PICALM: variants seen among roughly 807,000 people sequenced by gnomAD.
The protein encoded by PICALM is phosphatidylinositol binding clathrin assembly protein.
A neutral mutation model predicts 80.5 loss-of-function variants in PICALM; 40 were observed. The ratio of observed to expected loss-of-function variants is 0.50; its 90% CI spans 0.39 to 0.65. The LOEUF is 0.65. Among genes scored for constraint, PICALM ranks in the 30% least tolerant of loss-of-function variants. The pLI is 0.00. For missense variants in PICALM, 676 were observed against 778.9 expected (o/e 0.87, Z 1.57); for synonymous variants, 288 against 260.3 (o/e 1.11, Z -1.02).
chr11:85,998,670 C>G (rs1415626426), intron 11 of PICALM, among the ~76,000 whole-genome samples: 7 of 152,018 alleles, frequency 4.6e-5, no homozygotes, highest in Non-Finnish European at 8.8e-5. Context: ...CCCAGCTACT[C>G]GGGAAGCTAA....
At chr11:86,015,108 C>A (rs1230358327) in intron 4 of PICALM, 145 bp from the exon 5 acceptor site, 1 of 593,252 alleles carries the variant, frequency 1.7e-6, no homozygotes, top group African/African-American at 2.0e-5. Context: ...AACATGAAAA[C>A]TGAAGCAGAG....
chr11:86,044,621 G>C (rs930692345), intron 1 of PICALM, among the ~76,000 whole-genome samples: 13 of 152,164 alleles, frequency 8.5e-5, no homozygotes, highest in Non-Finnish European at 7.3e-5. Flanking sequence ...AGCATGTGAA[G>C]ACCCTGTAAG....
intron 19 of PICALM, among the ~76,000 whole-genome samples, chr11:85,968,018 A>C (rs1022056945): frequency 1.6e-4 from 24 of 152,222 alleles, no homozygotes; most frequent in African/African-American, 5.5e-4. Context: ...CTTTAAAAAA[A>C]GGCCTAATAC....
intron 1 of PICALM, among the ~76,000 whole-genome samples, chr11:86,064,647 A>AC (rs2096416877): frequency 7.4e-6 from 1 of 135,026 alleles, no homozygotes; most frequent in Non-Finnish European, 1.6e-5. Context: ...GACCCACCTC[A>AC]TTTTAAAAAA....
At chr11:86,061,059 T>G (rs2096353887) in intron 1 of PICALM, among the ~76,000 whole-genome samples, 1 of 152,200 alleles carries the variant, frequency 6.6e-6, no homozygotes, top group Non-Finnish European at 1.5e-5. Flanking sequence ...CCGGGCTCAG[T>G]GGCTCATGCC....
chr11:86,011,858 T>G lies in PICALM; in HGVS notation c.658+423A>C, dbSNP rs558758319. ...AAACTTACTATCCTTTTTGTTTTTT[T>G]TTTTTTTTTGAAACTGAGTTTCGCT... On this transcript the variant is annotated intron_variant, in intron 6 of 19. Transcript: ENST00000393346. 2.6e-3 allele frequency among the ~76,000 whole-genome samples: 396 copies of G among 151,626 alleles called. 1 individual carries two copies. The highest frequency in any genetic ancestry group is 9.3e-3 in the African/African-American group (384 of 41,456).
At chr11:85,974,660 T>C in intron 19 of PICALM, 48 bp downstream of exon 19, 2 of 1,212,264 alleles carry the variant, frequency 1.6e-6, no homozygotes, top group African/African-American at 3.0e-5. Flanking sequence ...AGTATCATAT[T>C]CCTTCCAAAT....
chr11:86,022,102 A>AT (rs1324547635), intron 4 of PICALM, among the ~76,000 whole-genome samples: 3 of 152,198 alleles, frequency 2.0e-5, no homozygotes, highest in Non-Finnish European at 4.4e-5. Flanking sequence ...GATGTTGGAC[A>AT]ACTTTGTAAA....
intron 19 of PICALM, among the ~76,000 whole-genome samples, chr11:85,966,137 T>G (rs2093887836): frequency 6.6e-6 from 1 of 152,044 alleles, no homozygotes; most frequent in South Asian, 2.1e-4. Flanking sequence ...GCATTTTGTT[T>G]TAGGGGATGC....
chr11:86,024,654 ATT>A (rs751831847), intron 3 of PICALM, among the ~76,000 whole-genome samples: 6 of 152,030 alleles, frequency 3.9e-5, no homozygotes, highest in Admixed American at 3.9e-4. Flanking sequence ...TCTATAAAAA[ATT>A]TTTGTGCTTG....
intron 19 of PICALM, among the ~76,000 whole-genome samples, chr11:85,963,669 A>G (rs1479927758): frequency 6.6e-6 from 1 of 152,168 alleles, no homozygotes; most frequent in Non-Finnish European, 1.5e-5. Context: ...CCACTACTCT[A>G]ATCAATCAAT....
chr11:86,016,885 T>C (rs2095488651), intron 4 of PICALM, among the ~76,000 whole-genome samples: 1 of 152,134 alleles, frequency 6.6e-6, no homozygotes, highest in African/African-American at 2.4e-5. Context: ...CAAAAAGCAA[T>C]TGTCTGGTCT....
At chr11:86,014,345 C>T (rs2095446090) in intron 5 of PICALM, among the ~76,000 whole-genome samples, 1 of 152,170 alleles carries the variant, frequency 6.6e-6, no homozygotes. Flanking sequence ...AAAACGTTAA[C>T]TTCTAACACA....
intron 1 of PICALM, among the ~76,000 whole-genome samples, chr11:86,041,488 A>G (rs1225151574): frequency 6.6e-6 from 1 of 152,170 alleles, no homozygotes; most frequent in African/African-American, 2.4e-5. Flanking sequence ...AAGGACTGAC[A>G]TCCTTTTTAT....
intron 3 of PICALM, among the ~76,000 whole-genome samples, chr11:86,025,557 C>G (rs2095636979): frequency 6.6e-6 from 1 of 151,496 alleles, no homozygotes; most frequent in South Asian, 2.1e-4. Flanking sequence ...CATAGCATTT[C>G]TTTTTTTGTT....
chr11:85,965,246 G>A (rs1420566816), intron 19 of PICALM, among the ~76,000 whole-genome samples: 1 of 152,144 alleles, frequency 6.6e-6, no homozygotes, highest in Non-Finnish European at 1.5e-5. Flanking sequence ...GAAGGCCCTT[G>A]CCAAATCCCA....
chr11:86,040,438 G>A (rs2095941282), intron 1 of PICALM, among the ~76,000 whole-genome samples: 1 of 152,052 alleles, frequency 6.6e-6, no homozygotes, highest in South Asian at 2.1e-4. Flanking sequence ...CTGGGCTCAA[G>A]GGATCCTTCT....
chr11:86,031,219 C>T (rs893080549), intron 2 of PICALM, among the ~76,000 whole-genome samples: 2 of 152,180 alleles, frequency 1.3e-5, no homozygotes, highest in African/African-American at 2.4e-5. Context: ...ACCAGGGATG[C>T]TTATGGAACC....
chr11:86,056,957 G>C (rs1271758539), intron 1 of PICALM, among the ~76,000 whole-genome samples: 2 of 152,164 alleles, frequency 1.3e-5, no homozygotes, highest in African/African-American at 2.4e-5. Flanking sequence ...GAAATGTACA[G>C]AACAGAAAAA....
Sources: allele counts gnomAD v4.1 joint callset (sites outside exome capture counted in the v4.1 genomes callset), GRCh38; gene constraint gnomAD v4.1.1; transcripts MANE v1.5; gene names NCBI Gene and HGNC (gene_info 2026-07-23, HGNC 2026-07-21).